The following VPS54 variants were observed in gnomAD, a reference collection of about 807,000 sequenced individuals.
VPS54 encodes the protein vacuolar protein sorting-associated protein 54.
Under a neutral mutation model 121.5 loss-of-function variants are expected in VPS54, and 45 were observed. That is an observed-to-expected ratio of 0.37 (90% CI 0.29 to 0.47). VPS54 has a LOEUF of 0.47. Ranked by LOEUF, VPS54 falls within the 20% of genes least tolerant of loss-of-function variation. The probability of loss-of-function intolerance (pLI) is 0.99; values close to 1 mark genes in which losing one functional copy is unlikely to be tolerated. For missense variants in VPS54, 1,090 were observed against 1,131.4 expected, an observed-to-expected ratio of 0.96 and a Z score of 0.52; for synonymous variants, 371 against 385.8, an observed-to-expected ratio of 0.96 and a Z score of 0.45.
intron 1 of VPS54, among the ~76,000 whole-genome samples, chr2:63,995,339 C>T (rs1004928840): frequency 5.9e-5 from 9 of 152,240 alleles, no homozygotes; most frequent in African/African-American, 2.2e-4. Flanking sequence ...CCCATTTTGA[C>T]TCCAGGAAAA....
At chr2:63,899,349 T>G in intron 21 of VPS54, 125 bp downstream of exon 21, 1 of 784,814 alleles carries the variant, frequency 1.3e-6, no homozygotes, top group Non-Finnish European at 2.0e-6. Flanking sequence ...TATAACAATG[T>G]AAAAAAATGA....
intron 7 of VPS54, among the ~76,000 whole-genome samples, chr2:63,956,987 T>C (rs1054804564): frequency 6.6e-6 from 1 of 152,162 alleles, no homozygotes; most frequent in Non-Finnish European, 1.5e-5. Context: ...ATTCTTGGGC[T>C]CACGAGACTT....
Position 63,932,501 on chromosome 2 carries a change from C to A in VPS54, c.1739+1172G>T, listed in dbSNP as rs190558443. Among the ~76,000 whole-genome samples, 6 of 152,074 alleles carry A rather than the reference C, an allele frequency of 3.9e-5. No homozygotes were observed. In the East Asian group the frequency reaches 1.2e-3, roughly 29 times the overall value. Reference sequence around the variant, plus strand: ...GGAGGGGAACATCACACACCAGGGCCTGTGAAGGGTGGAGGGCTAGGGGAG... The same window carrying A: ...GGAGGGGAACATCACACACCAGGGCATGTGAAGGGTGGAGGGCTAGGGGAG... On this transcript the variant is annotated intron_variant, in intron 12 of 22. Coordinates refer to ENST00000272322, the MANE Select transcript of VPS54 (RefSeq NM_016516.3).
At chr2:63,902,289 C>A (rs1453663718) in intron 20 of VPS54, among the ~76,000 whole-genome samples, 1 of 152,124 alleles carries the variant, frequency 6.6e-6, no homozygotes, top group Non-Finnish European at 1.5e-5. Context: ...GTGAAACCAA[C>A]ACTGAGAAAA....
chr2:63,954,936 A>C (rs1675424157), intron 7 of VPS54, among the ~76,000 whole-genome samples: 1 of 152,058 alleles, frequency 6.6e-6, no homozygotes, highest in South Asian at 2.1e-4. Context: ...AACCAATTGC[A>C]ATATATAGAT....
At chr2:63,941,288 A>T (rs1468363594) in intron 11 of VPS54, among the ~76,000 whole-genome samples, 4 of 152,122 alleles carry the variant, frequency 2.6e-5, no homozygotes, top group Non-Finnish European at 5.9e-5. Flanking sequence ...ACAGTGGCAC[A>T]ATCATGCCTC....
intron 20 of VPS54, among the ~76,000 whole-genome samples, chr2:63,911,335 C>G (rs560845513): frequency 2.2e-4 from 33 of 152,272 alleles, no homozygotes; most frequent in Middle Eastern, 6.8e-3. Flanking sequence ...AATACAAATT[C>G]CTTAAGCTTC....
chr2:63,980,591 T>G (rs1175890089), intron 3 of VPS54, among the ~76,000 whole-genome samples: 1 of 152,134 alleles, frequency 6.6e-6, no homozygotes, highest in Non-Finnish European at 1.5e-5. Context: ...GTTTTGCTAT[T>G]TTAGTGGTTG....
At chr2:63,918,876 C>G (rs1192448783) in intron 15 of VPS54, among the ~76,000 whole-genome samples, 9 of 152,014 alleles carry the variant, frequency 5.9e-5, no homozygotes, top group Admixed American at 5.9e-4. Context: ...TTACTAAGCA[C>G]TGAACTGCAA....
At chr2:64,018,376 C>A (rs1678809567) in intron 1 of VPS54, among the ~76,000 whole-genome samples, 1 of 152,112 alleles carries the variant, frequency 6.6e-6, no homozygotes, top group Non-Finnish European at 1.5e-5. Flanking sequence ...GACGGGAGAG[C>A]AGAAACGGCA....
chr2:63,997,499 A>G (rs1677654154), intron 1 of VPS54, among the ~76,000 whole-genome samples: 1 of 152,204 alleles, frequency 6.6e-6, no homozygotes, highest in African/African-American at 2.4e-5. Context: ...AGTTGCTCAC[A>G]GTAGCCGCTA....
chr2:63,973,269 A>G (rs1238558895), intron 3 of VPS54, among the ~76,000 whole-genome samples: 3 of 152,186 alleles, frequency 2.0e-5, no homozygotes, highest in African/African-American at 7.2e-5. Flanking sequence ...GAATTCCCTA[A>G]TGACATTTGA....
Position 63,912,593 on chromosome 2 carries a change from G to T in VPS54, c.2491C>A (p.Arg831=), listed in dbSNP as rs770650729. The part of the protein sequence containing the change: ...IPVIRAHFEA[R]LPPKQYSMLR... ...ATGCTATATTGCTTAGGTGGTAGTC[G>T]AGCTTCAAAATGAGCCCGGATCACA... The change falls in exon 19 of 23, where the codon CGA becomes AGA. Residue 831 remains arginine (R), a synonymous_variant. Coordinates refer to ENST00000272322, the MANE Select transcript of VPS54 (RefSeq NM_016516.3). 38 of 1,596,126 alleles carry T rather than the reference G, an allele frequency of 2.4e-5. No homozygotes were observed. The highest frequency in any genetic ancestry group is 1.7e-4 in the Middle Eastern group (1 of 6,018).
intron 3 of VPS54, among the ~76,000 whole-genome samples, chr2:63,978,177 CG>C (rs1676636206): frequency 6.6e-6 from 1 of 152,182 alleles, no homozygotes; most frequent in Non-Finnish European, 1.5e-5. Context: ...GTTGTGAGAA[CG>C]GAAGTGACAA....
At chr2:64,009,152 TC>T (rs1678310202) in intron 1 of VPS54, among the ~76,000 whole-genome samples, 30 of 152,324 alleles carry the variant, frequency 2.0e-4, no homozygotes, top group Admixed American at 1.7e-3. Context: ...GCTTTCCTCT[TC>T]TGTCTTTGTC....
chr2:64,000,082 G>A (rs1022311362), intron 1 of VPS54, among the ~76,000 whole-genome samples: 5 of 151,740 alleles, frequency 3.3e-5, no homozygotes, highest in South Asian at 2.1e-4. Flanking sequence ...GGCTGGTCTC[G>A]AACTCCTGAC....
chr2:63,962,446 TAAAAG>T lies in VPS54; in HGVS notation c.625-8_625-4del, dbSNP rs749381655. 1.3e-6 allele frequency: 2 copies of T among 1,597,612 alleles called. No homozygotes were observed. The highest frequency in any genetic ancestry group is 1.1e-5 in the South Asian group (1 of 89,212). ...ACAATATCCAGATAATGGCTCAGCT[TAAAAG>T]AGAAGGAAAAAAAATATGAAGTACT... On this transcript the variant is annotated splice_region_variant and splice_polypyrimidine_tract_variant and intron_variant, in intron 6 of 22. Transcript: ENST00000272322.
chr2:64,009,651 T>A (rs1473402740), intron 1 of VPS54, among the ~76,000 whole-genome samples: 4 of 152,000 alleles, frequency 2.6e-5, no homozygotes, highest in Admixed American at 2.6e-4. Context: ...GCATTTTTCT[T>A]ACCAAAGGAG....
chr2:63,989,554 C>T (rs1000276169), intron 1 of VPS54, among the ~76,000 whole-genome samples: 5 of 152,130 alleles, frequency 3.3e-5, no homozygotes, highest in African/African-American at 9.7e-5. Context: ...ATATCTGGTG[C>T]CCAGCATGGT....
Sources: allele counts gnomAD v4.1 joint callset (sites outside exome capture counted in the v4.1 genomes callset), GRCh38; gene constraint gnomAD v4.1.1; transcripts MANE v1.5; gene names NCBI Gene and HGNC (gene_info 2026-07-23, HGNC 2026-07-21).